NUP93: variants seen among roughly 807,000 people sequenced by gnomAD.
NUP93 encodes nucleoporin 93, also known as nuclear pore complex protein Nup93.
NUP93 carries 55 observed loss-of-function variants against 107.8 expected under a neutral mutation model. The ratio of observed to expected loss-of-function variants is 0.51; its 90% CI spans 0.41 to 0.64. The LOEUF (loss-of-function observed/expected upper bound fraction) is 0.64, where lower values mean the gene tolerates loss of function less well. Ranked by LOEUF, NUP93 falls within the 30% of genes least tolerant of loss-of-function variation. The pLI is 0.00. For missense variants in NUP93, 937 were observed against 1,044.7 expected (o/e 0.90, Z 1.42); for synonymous variants, 390 against 397.5 (o/e 0.98, Z 0.22).
At chr16:56,773,097 T>C (rs1233336735) in intron 3 of NUP93, among the ~76,000 whole-genome samples, 3 of 152,224 alleles carry the variant, frequency 2.0e-5, no homozygotes. Flanking sequence ...TGGTTTTTCC[T>C]CACAAGTACT....
rs572387059 is a variant in NUP93, at chr16:56,837,649, C to T, written c.1941C>T (p.Ser647=). The change falls in exon 18 of 22, where the codon AGC becomes AGT. Residue 647 remains serine (S), a synonymous_variant. Coordinates refer to ENST00000308159, the MANE Select transcript of NUP93 (RefSeq NM_014669.5). ...TGGAGCTGATGAACAAACTGCTGAG[C>T]CCTGTCGTCCCCCAGATCAGTGCCC... ...KVLELMNKLL[S]PVVPQISAPQ... 1 of 1,614,156 alleles carries T rather than the reference C, an allele frequency of 6.2e-7. No individual in the cohort carries two copies. Among genetic ancestry groups the T allele is most frequent in the Non-Finnish European group, 8.5e-7 (1 of 1,180,000 alleles).
chr16:56,834,468 C>A lies in NUP93; in HGVS notation c.1737+26C>A, dbSNP rs374382213. On this transcript the variant is annotated intron_variant, in intron 15 of 21. Transcript: ENST00000308159. ...GTGAGTGGGTTTCCTTTTCTCTCCT[C>A]CCCATGGTTTTCAGTGTGCATGTCC... The A allele has an allele frequency of 1.4e-5, 23 of 1,610,654 alleles. No homozygotes were observed. The African/African-American group carries it at 2.9e-4, about 21-fold the overall frequency.
Position 56,808,155 on chromosome 16 carries a change from A to T in NUP93, c.489+2523A>T, listed in dbSNP as rs189855869. On this transcript the variant is annotated intron_variant, in intron 5 of 21. Coordinates refer to ENST00000308159, the MANE Select transcript of NUP93 (RefSeq NM_014669.5). ...AAATATATTTATATAACTATATATAATATATAGTTATATAACTATATAAAA... is the reference window on the plus strand; with the variant it reads ...AAATATATTTATATAACTATATATATTATATAGTTATATAACTATATAAAA... Among the ~76,000 whole-genome samples the T allele has an allele frequency of 4.2e-3, 492 of 116,070 alleles. 18 individuals carry two copies. The highest frequency in any genetic ancestry group is 0.027 in the East Asian group (110 of 4,102). 76.1% of individuals were successfully genotyped at this position (116,070 alleles called of 152,430 possible).
chr16:56,803,811 C>G (rs1398512059), intron 4 of NUP93, among the ~76,000 whole-genome samples: 1 of 151,750 alleles, frequency 6.6e-6, no homozygotes, highest in African/African-American at 2.4e-5. Flanking sequence ...GCTCTGTTGC[C>G]CAGGCTGGAG....
At chr16:56,816,583 A>G (rs1456514220) in intron 5 of NUP93, among the ~76,000 whole-genome samples, 3 of 152,194 alleles carry the variant, frequency 2.0e-5, no homozygotes, top group Non-Finnish European at 2.9e-5. Context: ...CTGAAAAGCC[A>G]TGACAGGCCC....
intron 5 of NUP93, among the ~76,000 whole-genome samples, chr16:56,808,605 T>C (rs1349958419): frequency 7.5e-6 from 1 of 132,716 alleles, no homozygotes; most frequent in Non-Finnish European, 1.5e-5. Flanking sequence ...TAAATACATT[T>C]ATATAAATAT....
intron 5 of NUP93, among the ~76,000 whole-genome samples, chr16:56,813,207 A>G (rs1188001024): frequency 6.6e-6 from 1 of 152,246 alleles, no homozygotes; most frequent in Non-Finnish European, 1.5e-5. Context: ...TCTTAATACC[A>G]TATTCCATCA....
In NUP93 at chr16:56,830,521, C is replaced by CT; in HGVS notation, c.928-3dup. On this transcript the variant is annotated splice_region_variant and splice_polypyrimidine_tract_variant and intron_variant, in intron 9 of 21. Transcript: ENST00000308159. ...TTATTTTGAGCACTTAACTGTTCCTCTTTTAGGATGGAGAGGTGGAAGGCC... is the reference window on the plus strand; with the variant it reads ...TTATTTTGAGCACTTAACTGTTCCTCTTTTTAGGATGGAGAGGTGGAAGGCC... The CT allele has an allele frequency of 6.4e-7, 1 of 1,566,400 alleles. No individual in the cohort carries two copies. Among genetic ancestry groups the CT allele is most frequent in the Non-Finnish European group, 8.7e-7 (1 of 1,146,998 alleles).
rs9927884 is a variant in NUP93, at chr16:56,798,390, C to T, written c.298-86C>T. The T allele has an allele frequency of 0.12, 128,758 of 1,090,826 alleles. 8,256 individuals carry two copies. Among genetic ancestry groups the T allele is most frequent in the African/African-American group, 0.18 (11,319 of 64,228 alleles). The allele number at this position is 1,090,826 out of a possible 1,614,324, so 67.6% of individuals were successfully genotyped here. Reference sequence around the variant, plus strand: ...TGAGGTGTAGGTAGCATAGTAGATACCATTATGGTTATTGTTTGCCCTGCA... The same window carrying T: ...TGAGGTGTAGGTAGCATAGTAGATATCATTATGGTTATTGTTTGCCCTGCA... On this transcript the variant is annotated intron_variant, in intron 3 of 21. Coordinates refer to ENST00000308159, the MANE Select transcript of NUP93 (RefSeq NM_014669.5).
intron 3 of NUP93, among the ~76,000 whole-genome samples, chr16:56,767,874 A>G (rs887639079): frequency 2.0e-5 from 3 of 152,220 alleles, no homozygotes; most frequent in Non-Finnish European, 1.5e-5. Context: ...TTGAATGAAT[A>G]TAGTGGTGGG....
chr16:56,832,088 T>C (rs1167314813), intron 11 of NUP93, 81 bp downstream of exon 11: 1 of 1,521,828 alleles, frequency 6.6e-7, no homozygotes, highest in Non-Finnish European at 9.0e-7. Context: ...ACCTGCTTAA[T>C]GTATGATGCC....
At chr16:56,810,899 A>G (rs1380833955) in intron 5 of NUP93, among the ~76,000 whole-genome samples, 1 of 152,220 alleles carries the variant, frequency 6.6e-6, no homozygotes, top group Non-Finnish European at 1.5e-5. Flanking sequence ...AAATGGAGTC[A>G]TATAGTATCT....
Position 56,840,321 on chromosome 16 carries a change from A to G in NUP93, c.2220+717A>G, listed in dbSNP as rs564115712. Among the ~76,000 whole-genome samples, 117 of 152,256 alleles carry G rather than the reference A, an allele frequency of 7.7e-4. 4 individuals are homozygous for G. In the South Asian group the frequency reaches 0.017, roughly 22 times the overall value. On this transcript the variant is annotated intron_variant, in intron 20 of 21. Transcript: ENST00000308159. ...AGGCGTGAGCCACCGTGCCCAGCCAATCCATTTTGTCTAAAGACGCAAGTG... is the reference window on the plus strand; with the variant it reads ...AGGCGTGAGCCACCGTGCCCAGCCAGTCCATTTTGTCTAAAGACGCAAGTG...
chr16:56,744,545 C>G (rs566217116), intron 1 of NUP93, among the ~76,000 whole-genome samples: 1 of 152,258 alleles, frequency 6.6e-6, no homozygotes, highest in South Asian at 2.1e-4. Flanking sequence ...AGTAATAATG[C>G]AGGACAGATC....
intron 4 of NUP93, among the ~76,000 whole-genome samples, chr16:56,803,760 A>G (rs1428613010): frequency 6.6e-6 from 1 of 151,650 alleles, no homozygotes; most frequent in East Asian, 1.9e-4. Context: ...ATATATATAT[A>G]TATATATGGT....
intron 1 of NUP93, among the ~76,000 whole-genome samples, chr16:56,743,749 T>G (rs1961776570): frequency 6.6e-6 from 1 of 152,160 alleles, no homozygotes; most frequent in Non-Finnish European, 1.5e-5. Context: ...TCCTTCCACT[T>G]CTGTCCTTCC....
intron 1 of NUP93, among the ~76,000 whole-genome samples, chr16:56,736,968 T>C (rs1961624912): frequency 6.6e-6 from 1 of 152,238 alleles, no homozygotes; most frequent in African/African-American, 2.4e-5. Context: ...TGTTTCTTGC[T>C]AAGTCAGTGC....
chr16:56,745,999 T>G (rs1317174821), intron 1 of NUP93, among the ~76,000 whole-genome samples: 2 of 152,192 alleles, frequency 1.3e-5, no homozygotes. Flanking sequence ...CTTTCTTCCT[T>G]TATCTTTTTT....
At chr16:56,814,298 A>G (rs1295314184) in intron 5 of NUP93, among the ~76,000 whole-genome samples, 3 of 152,076 alleles carry the variant, frequency 2.0e-5, no homozygotes, top group African/African-American at 7.2e-5. Context: ...CTCTCGCTTC[A>G]GCCTCCCAAG....
Sources: allele counts gnomAD v4.1 joint callset (sites outside exome capture counted in the v4.1 genomes callset), GRCh38; gene constraint gnomAD v4.1.1; transcripts MANE v1.5; gene names NCBI Gene and HGNC (gene_info 2026-07-23, HGNC 2026-07-21).